The following ARID1B variants were observed in gnomAD, a reference collection of about 807,000 sequenced individuals.
ARID1B encodes the protein AT-rich interactive domain-containing protein 1B.
A neutral mutation model predicts 212.3 loss-of-function variants in ARID1B; 30 were observed. The observed-to-expected ratio is 0.14, with a 90% CI of 0.11 to 0.19. The LOEUF (loss-of-function observed/expected upper bound fraction) is 0.19. Ranked by LOEUF, ARID1B falls within the 10% of genes least tolerant of loss-of-function variation. The pLI, the probability that ARID1B is intolerant of heterozygous loss-of-function variation, is 1.00. For synonymous variants in ARID1B, 1,402 were observed against 1,301.7 expected (o/e 1.08, Z -1.66); for missense variants, 2,891 against 3,204.0 (o/e 0.90, Z 2.36).
At chr6:156,895,884 C>T (rs550762940) in intron 2 of ARID1B, among the ~76,000 whole-genome samples, 6 of 152,314 alleles carry the variant, frequency 3.9e-5, no homozygotes, top group Non-Finnish European at 7.4e-5. Context: ...TTTCAATGCA[C>T]GTTTCTATAC....
chr6:157,019,688 C>G (rs1315680570), intron 4 of ARID1B, among the ~76,000 whole-genome samples: 1 of 152,094 alleles, frequency 6.6e-6, no homozygotes, highest in Non-Finnish European at 1.5e-5. Flanking sequence ...CTTTGTGATG[C>G]CTTTTTATGA....
At chr6:157,101,884 A>G (rs1786071005) in intron 5 of ARID1B, among the ~76,000 whole-genome samples, 1 of 152,222 alleles carries the variant, frequency 6.6e-6, no homozygotes, top group Non-Finnish European at 1.5e-5. Flanking sequence ...AATCATGTCA[A>G]TATTCCATCT....
At chr6:156,855,721 TTG>T (rs994294023) in intron 2 of ARID1B, among the ~76,000 whole-genome samples, 12 of 152,122 alleles carry the variant, frequency 7.9e-5, no homozygotes, top group African/African-American at 2.9e-4. Flanking sequence ...TTCTCTGTCT[TTG>T]TGTGTGTGAG....
At chr6:157,142,786 T>C (rs73584079) in intron 7 of ARID1B, among the ~76,000 whole-genome samples, 240 of 152,318 alleles carry the variant, frequency 1.6e-3, no homozygotes, top group African/African-American at 5.6e-3. Context: ...TATGCATTTC[T>C]TTTTTCCACA....
rs1319420589 is a variant in ARID1B, at chr6:156,935,539, T to C, written c.2210T>C (p.Leu737Ser). ...LAPGKPNHED[L>S]NLIQQERPSS... Reference sequence around the variant, plus strand: ...CCCGGAAAACCTAACCATGAAGACTTGAACTTAATACAGCAAGAAAGACCA... The same window carrying C: ...CCCGGAAAACCTAACCATGAAGACTCGAACTTAATACAGCAAGAAAGACCA... The change falls in exon 4 of 20, where the codon TTG (leucine) becomes TCG (serine). Residue 737 changes from leucine to serine, a missense_variant. Coordinates refer to ENST00000636930, the MANE Select transcript of ARID1B (RefSeq NM_001374828.1). 6.2e-7 allele frequency: 1 copy of C among 1,613,778 alleles called. No individual in the cohort carries two copies. Among genetic ancestry groups the C allele is most frequent in the Admixed American group, 1.7e-5 (1 of 60,018 alleles).
intron 2 of ARID1B, among the ~76,000 whole-genome samples, chr6:156,881,446 A>G (rs1263425040): frequency 4.6e-5 from 7 of 151,844 alleles, no homozygotes; most frequent in Non-Finnish European, 7.3e-5. Flanking sequence ...ATGTATGTAT[A>G]CAATGTATGC....
intron 4 of ARID1B, among the ~76,000 whole-genome samples, chr6:157,049,632 T>G (rs1178499297): frequency 6.6e-6 from 1 of 152,166 alleles, no homozygotes; most frequent in Non-Finnish European, 1.5e-5. Context: ...TTTTTGTATC[T>G]CATTGAGGAA....
At chr6:157,004,922 T>A (rs1395588904) in intron 4 of ARID1B, among the ~76,000 whole-genome samples, 1 of 130,076 alleles carries the variant, frequency 7.7e-6, no homozygotes, top group Non-Finnish European at 1.6e-5. Flanking sequence ...TTTTTTTTTT[T>A]TTTTTTTTTG....
At chr6:156,980,246 G>T (rs1583070368) in intron 4 of ARID1B, among the ~76,000 whole-genome samples, 1 of 152,238 alleles carries the variant, frequency 6.6e-6, no homozygotes, top group East Asian at 1.9e-4. Flanking sequence ...AATTTGGTAG[G>T]CCGAGGTGGG....
chr6:156,795,388 G>C (rs1780295000), intron 1 of ARID1B, among the ~76,000 whole-genome samples: 1 of 152,176 alleles, frequency 6.6e-6, no homozygotes, highest in South Asian at 2.1e-4. Flanking sequence ...GCAGCCGGAT[G>C]AGAGATAATT....
intron 3 of ARID1B, among the ~76,000 whole-genome samples, chr6:156,907,299 A>G (rs1789479017): frequency 1.3e-5 from 2 of 151,604 alleles, no homozygotes; most frequent in African/African-American, 4.9e-5. Context: ...TTGCGAAGAG[A>G]TTTTTTCATG....
At chr6:157,021,195 T>C (rs1238653583) in intron 4 of ARID1B, among the ~76,000 whole-genome samples, 1 of 152,212 alleles carries the variant, frequency 6.6e-6, no homozygotes, top group Non-Finnish European at 1.5e-5. Context: ...CGCTTTCCGG[T>C]CCTCACTGCG....
At chr6:156,929,050 C>T (rs1219599286) in intron 3 of ARID1B, among the ~76,000 whole-genome samples, 4 of 152,184 alleles carry the variant, frequency 2.6e-5, no homozygotes, top group Non-Finnish European at 4.4e-5. Context: ...TTCAGTTACT[C>T]CAGCCTAGTG....
chr6:157,140,908 C>G (rs1030577487), intron 7 of ARID1B: 1 of 374,958 alleles, frequency 2.7e-6, no homozygotes, highest in Non-Finnish European at 4.7e-6. Flanking sequence ...CACCTCATGA[C>G]ATGTTCTTGA....
chr6:156,912,869 C>CAAACA (rs910445052), intron 3 of ARID1B, among the ~76,000 whole-genome samples: 4 of 152,184 alleles, frequency 2.6e-5, no homozygotes, highest in Non-Finnish European at 5.9e-5. Context: ...TCTCCCACCC[C>CAAACA]AAACAAAACA....
chr6:156,825,255 G>A lies in ARID1B; in HGVS notation c.1792-3972G>A, dbSNP rs191793089. Among the ~76,000 whole-genome samples the A allele has an allele frequency of 6.8e-4, 103 of 152,350 alleles. 1 individual carries two copies. The highest frequency in any genetic ancestry group is 2.3e-3 in the African/African-American group (95 of 41,584). ...TTAATGCTCAAAAATAGAGGACACA[G>A]CAGGATGGATTTGGACTGTGGATGA... On this transcript the variant is annotated intron_variant, in intron 1 of 19. Transcript: ENST00000636930.
intron 5 of ARID1B, 78 bp from the exon 6 acceptor site, chr6:157,110,388 ATGTGGC>A (rs1786818185): frequency 8.5e-7 from 1 of 1,172,788 alleles, no homozygotes; most frequent in African/African-American, 1.5e-5. Context: ...TAAAAATTAA[ATGTGGC>A]TGTGTCTTGG....
intron 6 of ARID1B, among the ~76,000 whole-genome samples, chr6:157,125,738 G>A (rs985484163): frequency 6.6e-6 from 1 of 152,154 alleles, no homozygotes; most frequent in Admixed American, 6.5e-5. Context: ...TGTGTGTCCC[G>A]CTGGAATGTT....
intron 4 of ARID1B, among the ~76,000 whole-genome samples, chr6:157,059,002 T>A (rs1346132943): frequency 3.9e-5 from 6 of 152,016 alleles, no homozygotes; most frequent in African/African-American, 1.4e-4. Context: ...CCAAAACACC[T>A]TGCCTAGATG....
Sources: gnomAD v4.1 joint callset for allele counts (sites outside exome capture counted in the v4.1 genomes callset) on GRCh38, gnomAD v4.1.1 for gene constraint, MANE v1.5 for transcripts, NCBI Gene and HGNC (gene_info 2026-07-23, HGNC 2026-07-21) for gene names.